The following ALDH6A1 variants were observed in gnomAD, a reference collection of about 807,000 sequenced individuals.
ALDH6A1 encodes the protein aldehyde dehydrogenase 6 family member A1.
A neutral mutation model predicts 62.6 loss-of-function variants in ALDH6A1; 43 were observed. The ratio of observed to expected loss-of-function variants is 0.69; its 90% CI spans 0.54 to 0.89. ALDH6A1 has a LOEUF of 0.89. ALDH6A1 is among the 40% of genes least tolerant of loss of function. The pLI is 0.00. For missense variants in ALDH6A1, 551 were observed against 661.3 expected (o/e 0.83, Z 1.83); for synonymous variants, 194 against 234.2 (o/e 0.83, Z 1.57).
At chr14:74,063,593 T>C (rs62005116) in intron 11 of ALDH6A1, among the ~76,000 whole-genome samples, 28,147 of 151,816 alleles carry the variant, frequency 0.19, 2,821 homozygotes, top group South Asian at 0.43. Flanking sequence ...TGGTTGGCTG[T>C]GGTGGCTCAT....
chr14:74,077,465 T>C (rs919524983), intron 1 of ALDH6A1, among the ~76,000 whole-genome samples: 1 of 152,186 alleles, frequency 6.6e-6, no homozygotes, highest in Non-Finnish European at 1.5e-5. Flanking sequence ...GGAATGGCTC[T>C]AGCTTCTGGC....
chr14:74,075,222 T>C (rs1003210411), intron 1 of ALDH6A1, among the ~76,000 whole-genome samples: 3 of 152,172 alleles, frequency 2.0e-5, no homozygotes, highest in African/African-American at 7.2e-5. Flanking sequence ...ATGTCCTATA[T>C]TTCCAGGATA....
At chr14:74,079,472 C>A (rs1265656272) in intron 1 of ALDH6A1, among the ~76,000 whole-genome samples, 1 of 147,340 alleles carries the variant, frequency 6.8e-6, no homozygotes, top group Admixed American at 6.9e-5. Context: ...CTCACTCTGT[C>A]GCCCAGGCTG....
chr14:74,060,288 C>G lies in ALDH6A1; in HGVS notation c.*354G>C, dbSNP rs1401332052. On this transcript the variant is annotated 3_prime_UTR_variant, in exon 12 of 12. Transcript: ENST00000553458. ...ATGATGGAATTACAGGCGTGAGCCA[C>G]CGCGCCTGGCTGGAACATTTTCTTT... 2 of 261,052 alleles carry G rather than the reference C, an allele frequency of 7.7e-6. No individual in the cohort carries two copies. Among genetic ancestry groups the G allele is most frequent in the Non-Finnish European group, 1.5e-5 (2 of 132,548 alleles). 16.2% of individuals were successfully genotyped at this position (261,052 alleles called of 1,614,324 possible). A position where few individuals can be genotyped will look rare whatever the true frequency, so the allele number is the denominator to read the frequency against.
chr14:74,060,573 G>T lies in ALDH6A1; in HGVS notation c.*69C>A. 8.8e-7 allele frequency: 1 copy of T among 1,139,202 alleles called. No individual in the cohort carries two copies. The highest frequency in any genetic ancestry group is 1.3e-6 in the Non-Finnish European group (1 of 746,950). The allele number at this position is 1,139,202 out of a possible 1,614,324, so 70.6% of individuals were successfully genotyped here. Reference sequence around the variant, plus strand: ...CCATCGATCTGATCTGAGCAAAGCTGACAAATGAAGCTGGTCAAAAATAAA... The same window carrying T: ...CCATCGATCTGATCTGAGCAAAGCTTACAAATGAAGCTGGTCAAAAATAAA... On this transcript the variant is annotated 3_prime_UTR_variant, in exon 12 of 12. Coordinates refer to ENST00000553458, the MANE Select transcript of ALDH6A1 (RefSeq NM_005589.4).
chr14:74,061,089 T>C (rs2060329887), intron 11 of ALDH6A1, among the ~76,000 whole-genome samples: 1 of 151,896 alleles, frequency 6.6e-6, no homozygotes, highest in South Asian at 2.1e-4. Flanking sequence ...GCAGCTCTCC[T>C]GCCTCAGCCT....
chr14:74,070,298 C>T (rs1275277817), intron 6 of ALDH6A1, among the ~76,000 whole-genome samples: 1 of 152,054 alleles, frequency 6.6e-6, no homozygotes, highest in Non-Finnish European at 1.5e-5. Context: ...GCGGGTGGAT[C>T]ACCTGAGGTC....
intron 11 of ALDH6A1, among the ~76,000 whole-genome samples, chr14:74,062,808 GA>G (rs71460951): frequency 0.11 from 16,958 of 150,228 alleles, 1,243 homozygotes; most frequent in Admixed American, 0.19. Context: ...AGCTGGCACA[GA>G]AAAAAAAAAT....
Position 74,060,644 on chromosome 14 carries a change from A to T in ALDH6A1, c.1606T>A (p.Ter536LysextTer11), listed in dbSNP as rs780217092. The part of the protein sequence containing the change: ...PAVVMPTMGR[*>K] ...GTCAGTCTTAAACAAACTTGTTTCT[A>T]ACGGCCCATGGTAGGCATGACAACA... The change falls in exon 12 of 12, where the codon TAG becomes AAG. Residue 536 changes from the stop codon to lysine (K), a stop_lost. Coordinates refer to ENST00000553458, the MANE Select transcript of ALDH6A1 (RefSeq NM_005589.4). The T allele has an allele frequency of 1.9e-6, 3 of 1,606,138 alleles. No homozygotes were observed. The highest frequency in any genetic ancestry group is 2.6e-6 in the Non-Finnish European group (3 of 1,172,848).
rs755638669 is a variant in ALDH6A1, at chr14:74,057,193, A to G, written c.*3449T>C. 3 of 1,613,996 alleles carry G rather than the reference A, an allele frequency of 1.9e-6. No homozygotes were observed. Among genetic ancestry groups the G allele is most frequent in the South Asian group, 1.1e-5 (1 of 91,072 alleles). On this transcript the variant is annotated 3_prime_UTR_variant, in exon 12 of 12. Transcript: ENST00000553458. ...AATCTTCATCACCCAGCAAATTGCA[A>G]TATCAGACTCTTCTGGTGAAGTGGT...
intron 4 of ALDH6A1, 101 bp downstream of exon 4, chr14:74,072,102 C>A: frequency 6.3e-7 from 1 of 1,582,946 alleles, no homozygotes; most frequent in African/African-American, 1.3e-5. Flanking sequence ...AACGTCTCTG[C>A]ATACTGCAGA....
intron 1 of ALDH6A1, among the ~76,000 whole-genome samples, chr14:74,079,946 G>A (rs1467903403): frequency 6.6e-6 from 1 of 152,086 alleles, no homozygotes; most frequent in African/African-American, 2.4e-5. Flanking sequence ...GCTAAGGCAG[G>A]AGGATCACCT....
At chr14:74,073,173 G>A (rs2060573460) in intron 2 of ALDH6A1, among the ~76,000 whole-genome samples, 1 of 151,876 alleles carries the variant, frequency 6.6e-6, no homozygotes, top group Non-Finnish European at 1.5e-5. Context: ...GTGTGATCAT[G>A]ACTCACTGCA....
At chr14:74,065,071 G>A in intron 10 of ALDH6A1, 110 bp downstream of exon 10, 1 of 1,423,790 alleles carries the variant, frequency 7.0e-7, no homozygotes, top group Non-Finnish European at 9.8e-7. Flanking sequence ...ATGGGGCAAT[G>A]TGGGAGGTCA....
At chr14:74,068,114 G>C (rs908359664) in intron 7 of ALDH6A1, among the ~76,000 whole-genome samples, 6 of 152,022 alleles carry the variant, frequency 3.9e-5, no homozygotes, top group Admixed American at 2.6e-4. Flanking sequence ...GCCAGGCATG[G>C]TGGCTCATGC....
In ALDH6A1 at chr14:74,057,305, T is replaced by C; in HGVS notation, c.*3337A>G. On this transcript the variant is annotated 3_prime_UTR_variant, in exon 12 of 12. Coordinates refer to ENST00000553458, the MANE Select transcript of ALDH6A1 (RefSeq NM_005589.4). ...AAACAATGTATATTGTTGTCACCCT[T>C]CCCCATGTCGCTTCTTGCTAAATCA... 3 of 1,612,788 alleles carry C rather than the reference T, an allele frequency of 1.9e-6. No individual in the cohort carries two copies. Among genetic ancestry groups the C allele is most frequent in the Non-Finnish European group, 2.5e-6 (3 of 1,179,488 alleles).
chr14:74,075,859 A>G (rs550282987), intron 1 of ALDH6A1, among the ~76,000 whole-genome samples: 4 of 152,360 alleles, frequency 2.6e-5, no homozygotes, highest in African/African-American at 9.6e-5. Context: ...GAATAAGGAA[A>G]CTAATGTGGT....
Position 74,056,911 on chromosome 14 carries a change from A to T in ALDH6A1, c.*3731T>A. On this transcript the variant is annotated 3_prime_UTR_variant, in exon 12 of 12. Transcript: ENST00000553458. ...TTGACTTTTACCCACTACAGGAAAT[A>T]CAACCAGAGTTCTAGGCCTCCAGTT... is the stretch of plus-strand genomic sequence containing the variant. 1 of 1,612,200 alleles carries T rather than the reference A, an allele frequency of 6.2e-7. No homozygotes were observed.
chr14:74,067,490 C>T lies in ALDH6A1; in HGVS notation c.932G>A (p.Gly311Glu). The change falls in exon 8 of 12, where the codon GGA (glycine) becomes GAA (glutamate). Residue 311 changes from glycine to glutamate, a missense_variant. Gly to Glu is a moderately conservative substitution (Grantham distance 98). Coordinates refer to ENST00000553458, the MANE Select transcript of ALDH6A1 (RefSeq NM_005589.4). ...TLNQLVGAAF[G>E]AAGQRCMALS... is the part of the protein sequence containing the mutation. ...AGCCATGCAGCGCTGACCAGCAGCT[C>T]CAAATGCTGCCCCAACCAGCTGGTT... is the stretch of plus-strand genomic sequence containing the variant. The T allele has an allele frequency of 1.9e-6, 3 of 1,614,210 alleles. No homozygotes were observed. The highest frequency in any genetic ancestry group is 2.5e-6 in the Non-Finnish European group (3 of 1,180,030).
Sources: allele counts gnomAD v4.1 joint callset (sites outside exome capture counted in the v4.1 genomes callset), GRCh38; gene constraint gnomAD v4.1.1; transcripts MANE v1.5; gene names NCBI Gene and HGNC (gene_info 2026-07-23, HGNC 2026-07-21).